BABAM2: variants seen among roughly 807,000 people sequenced by gnomAD.
BABAM2 encodes BRISC and BRCA1-A complex member 2.
In BABAM2, 31 loss-of-function variants were observed where a neutral mutation model predicts 54.7. The ratio of observed to expected loss-of-function variants is 0.57; its 90% confidence interval spans 0.43 to 0.77. The LOEUF is 0.77. Among genes scored for constraint, BABAM2 ranks in the 30% least tolerant of loss-of-function variants. The pLI, the probability that BABAM2 is intolerant of heterozygous loss-of-function variation, is 0.00. For synonymous variants in BABAM2, 167 were observed against 162.9 expected (o/e 1.03, Z -0.19); for missense variants, 364 against 455.8 (o/e 0.80, Z 1.83).
chr2:28,265,025 C>T (rs1457735662), intron 10 of BABAM2, among the ~76,000 whole-genome samples: 1 of 152,176 alleles, frequency 6.6e-6, no homozygotes, highest in East Asian at 1.9e-4. Context: ...CCACATTTGA[C>T]CCAAGGGTGT....
At chr2:28,002,188 C>T (rs1000442292) in intron 4 of BABAM2, among the ~76,000 whole-genome samples, 8 of 152,234 alleles carry the variant, frequency 5.3e-5, no homozygotes, top group South Asian at 2.1e-4. Context: ...CTTCTGCTCA[C>T]GCTGATATTA....
At chr2:28,226,542 G>A (rs1341211299) in intron 7 of BABAM2, among the ~76,000 whole-genome samples, 1 of 152,126 alleles carries the variant, frequency 6.6e-6, no homozygotes, top group African/African-American at 2.4e-5. Context: ...GAGTCATGGG[G>A]GGAGATGATG....
intron 7 of BABAM2, among the ~76,000 whole-genome samples, chr2:28,168,051 T>C (rs1673904532): frequency 2.6e-5 from 4 of 152,188 alleles, no homozygotes; most frequent in African/African-American, 9.7e-5. Context: ...CGCTAATACC[T>C]GGAAAGACTT....
chr2:28,108,236 C>T lies in BABAM2; in HGVS notation c.571-21035C>T, dbSNP rs539885782. ...TTAAAGGCCCAACCTAGTCTGCTAT[C>T]TTAATTGCATTCTTTCTTGCCTATT... On this transcript the variant is annotated intron_variant, in intron 6 of 11. Coordinates refer to ENST00000379624, the MANE Select transcript of BABAM2 (RefSeq NM_199191.3). 2.0e-5 allele frequency among the ~76,000 whole-genome samples: 3 copies of T among 152,270 alleles called. No homozygotes were observed. In the East Asian group the frequency reaches 5.8e-4, roughly 29 times the overall value.
intron 11 of BABAM2, chr2:28,310,267 A>G: frequency 9.5e-7 from 1 of 1,047,248 alleles, no homozygotes; most frequent in Middle Eastern, 2.2e-4. Flanking sequence ...TCCCAGAGGA[A>G]GCCACTCACC....
At chr2:28,073,999 TTACACATATA>T (rs1664415859) in intron 6 of BABAM2, among the ~76,000 whole-genome samples, 1 of 151,916 alleles carries the variant, frequency 6.6e-6, no homozygotes, top group African/African-American at 2.4e-5. Context: ...ACGTATATAT[TTACACATATA>T]TACACACACA....
At chr2:28,171,742 A>T (rs1483455965) in intron 7 of BABAM2, among the ~76,000 whole-genome samples, 3 of 152,134 alleles carry the variant, frequency 2.0e-5, no homozygotes, top group East Asian at 3.8e-4. Flanking sequence ...ATTAATTAAT[A>T]AATTATGTCA....
intron 10 of BABAM2, among the ~76,000 whole-genome samples, chr2:28,251,001 A>G (rs555859315): frequency 2.0e-5 from 3 of 152,288 alleles, no homozygotes; most frequent in Non-Finnish European, 4.4e-5. Context: ...GTGTTCCTCC[A>G]TTTCAGAGCT....
At chr2:28,117,963 G>A (rs758672140) in intron 6 of BABAM2, among the ~76,000 whole-genome samples, 5 of 152,290 alleles carry the variant, frequency 3.3e-5, no homozygotes, top group Non-Finnish European at 7.3e-5. Context: ...TTATGGAGAC[G>A]TATTAAGGAT....
intron 4 of BABAM2, among the ~76,000 whole-genome samples, chr2:27,999,419 T>C (rs911637446): frequency 5.9e-5 from 9 of 152,086 alleles, no homozygotes; most frequent in African/African-American, 1.9e-4. Context: ...GGATGGCATA[T>C]TGGAAGCACT....
At chr2:28,241,883 T>TC (rs1491511930) in intron 9 of BABAM2, among the ~76,000 whole-genome samples, 53 of 104,192 alleles carry the variant, frequency 5.1e-4, no homozygotes, top group African/African-American at 1.7e-3. Flanking sequence ...TTTTTTTTTT[T>TC]CGGTACTCTT....
rs1675578048 is a variant in BABAM2 at position 28,025,387 on chromosome 2, C to T, written c.462C>T (p.Asn154=). The T allele has an allele frequency of 1.9e-6, 3 of 1,575,738 alleles. No individual in the cohort carries two copies. The highest frequency in any genetic ancestry group is 1.4e-5 in the African/African-American group (1 of 72,328). ...TLLEEPQYGE[N]MEIYAGKKNN... is the part of the protein sequence containing the mutation. ...TGGAGGAGCCACAGTATGGAGAGAACATGGAAATTTATGCTGGGAAAAAAA... is the reference window on the plus strand; with the variant it reads ...TGGAGGAGCCACAGTATGGAGAGAATATGGAAATTTATGCTGGGAAAAAAA... Residue 154 remains asparagine, a synonymous_variant, in exon 5 of 12, where the codon AAC becomes AAT. Transcript: ENST00000379624.
chr2:28,129,272 A>T lies in BABAM2; in HGVS notation c.572A>T (p.Asp191Val). The T allele has an allele frequency of 6.2e-7, 1 of 1,612,466 alleles. No homozygotes were observed. Among genetic ancestry groups the T allele is most frequent in the Non-Finnish European group, 8.5e-7 (1 of 1,178,488 alleles). ...FSNIPTYLLK[D>V]VNEDPGEDVA... Reference sequence around the variant, plus strand: ...TTGTGTTTTCACTTCTTGTTTAAGGATGTAAATGAAGACCCTGGAGAAGAT... The same window carrying T: ...TTGTGTTTTCACTTCTTGTTTAAGGTTGTAAATGAAGACCCTGGAGAAGAT... Residue 191 changes from aspartate (D) to valine (V), a missense_variant and splice_region_variant, in exon 7 of 12, where the codon GAT becomes GTT. Physicochemically the swap from Asp to Val is radical, Grantham distance 152. Transcript: ENST00000379624.
At chr2:28,187,015 T>C (rs980753209) in intron 7 of BABAM2, among the ~76,000 whole-genome samples, 3 of 152,064 alleles carry the variant, frequency 2.0e-5, no homozygotes, top group Admixed American at 6.6e-5. Context: ...CCGTGTTAGC[T>C]AGGATGGTCT....
chr2:27,946,123 T>TAG (rs1669280512), intron 3 of BABAM2, among the ~76,000 whole-genome samples: 1 of 152,152 alleles, frequency 6.6e-6, no homozygotes. Flanking sequence ...CTTAAGAAGG[T>TAG]AGTTAGTCTT....
chr2:28,137,756 A>T (rs1449737802), intron 7 of BABAM2, among the ~76,000 whole-genome samples: 2 of 152,186 alleles, frequency 1.3e-5, no homozygotes, highest in Non-Finnish European at 2.9e-5. Context: ...AAGAAGATGT[A>T]TATAAATCTG....
chr2:27,904,055 C>T (rs143908560), intron 2 of BABAM2, among the ~76,000 whole-genome samples: 3 of 152,158 alleles, frequency 2.0e-5, no homozygotes, highest in Admixed American at 6.5e-5. Context: ...ACCAAGACAG[C>T]GACTAAGTGA....
chr2:27,920,486 A>G (rs1667271916), intron 2 of BABAM2, among the ~76,000 whole-genome samples: 1 of 152,236 alleles, frequency 6.6e-6, no homozygotes, highest in South Asian at 2.1e-4. Flanking sequence ...AATAAATTCT[A>G]AAAGATGAAA....
At chr2:28,141,590 A>G (rs183925868) in intron 7 of BABAM2, among the ~76,000 whole-genome samples, 5 of 152,218 alleles carry the variant, frequency 3.3e-5, no homozygotes, top group African/African-American at 1.2e-4. Context: ...TTATTTCATG[A>G]TGGGGACAGA....
Sources: allele counts gnomAD v4.1 joint callset (sites outside exome capture counted in the v4.1 genomes callset), GRCh38; gene constraint gnomAD v4.1.1; transcripts MANE v1.5; gene names NCBI Gene and HGNC (gene_info 2026-07-23, HGNC 2026-07-21).